ZMYND11: variants seen among roughly 807,000 people sequenced by gnomAD.
ZMYND11 encodes zinc finger MYND-type containing 11, also known as zinc finger MYND domain-containing protein 11.
A neutral mutation model predicts 84.9 loss-of-function variants in ZMYND11; 9 were observed. That is an observed-to-expected ratio of 0.11 (90% CI 0.06 to 0.18). The LOEUF (loss-of-function observed/expected upper bound fraction) is 0.18. Ranked by LOEUF, ZMYND11 falls within the 10% of genes least tolerant of loss-of-function variation. The probability of loss-of-function intolerance (pLI) is 1.00; values close to 1 mark genes in which losing one functional copy is unlikely to be tolerated. For synonymous variants in ZMYND11, 250 were observed against 244.1 expected (o/e 1.02, Z -0.23); for missense variants, 409 against 761.0 (o/e 0.54, Z 5.44).
intron 14 of ZMYND11, chr10:249,503 TTTATACA>T: frequency 1.0e-6 from 1 of 984,830 alleles, no homozygotes; most frequent in East Asian, 1.1e-4. Context: ...GCACTTAACA[TTTATACA>T]TTAGATTTTG....
intron 2 of ZMYND11, among the ~76,000 whole-genome samples, chr10:200,279 TATA>T (rs1419881167): frequency 1.2e-4 from 16 of 135,354 alleles, no homozygotes; most frequent in South Asian, 2.2e-4. Context: ...ATATATAATA[TATA>T]ATATGTATAA....
At chr10:132,871 A>T (rs782019737), upstream of ZMYND11, among the ~76,000 whole-genome samples, 21 of 152,324 alleles carry the variant, frequency 1.4e-4, no homozygotes, top group South Asian at 4.1e-4. Flanking sequence ...CCCAGGGCTC[A>T]GTGGCACCCG....
At chr10:213,839 C>A (rs775330271) in intron 3 of ZMYND11, among the ~76,000 whole-genome samples, 19 of 152,108 alleles carry the variant, frequency 1.2e-4, no homozygotes, top group Non-Finnish European at 2.1e-4. Context: ...GTTGGTGTTA[C>A]ATTTTTATTT....
chr10:206,583 C>T (rs1415373462), intron 2 of ZMYND11, among the ~76,000 whole-genome samples: 1 of 152,130 alleles, frequency 6.6e-6, no homozygotes, highest in Non-Finnish European at 1.5e-5. Context: ...AAATCCTATA[C>T]ACTTCCATCT....
chr10:224,396 T>C (rs998159411), intron 4 of ZMYND11, among the ~76,000 whole-genome samples: 1 of 152,228 alleles, frequency 6.6e-6, no homozygotes, highest in African/African-American at 2.4e-5. Context: ...AAATAAACTT[T>C]TGCTTTATGG....
Position 247,474 on chromosome 10 carries a change from G to A in ZMYND11, c.1227+8G>A. On this transcript the variant is annotated splice_region_variant and intron_variant, in intron 12 of 14. Coordinates refer to ENST00000381604, the MANE Select transcript of ZMYND11 (RefSeq NM_001370100.5). ...GTGGAGCCCAAAAAGGAAGTAAGTTGCCCACCTCGCAGTATCCAGGTGGCA... is the reference window on the plus strand; with the variant it reads ...GTGGAGCCCAAAAAGGAAGTAAGTTACCCACCTCGCAGTATCCAGGTGGCA... The A allele has an allele frequency of 6.2e-7, 1 of 1,613,640 alleles. No homozygotes were observed. Among genetic ancestry groups the A allele is most frequent in the Non-Finnish European group, 8.5e-7 (1 of 1,179,726 alleles).
In ZMYND11 at chr10:221,332, T is replaced by C; in HGVS notation, c.414T>C (p.Ser138=). The change falls in exon 4 of 15, where the codon AGT becomes AGC. Residue 138 remains serine (S), a synonymous_variant. Transcript: ENST00000381604. The part of the protein sequence containing the change: ...SDEFRLRDSS[S]PWQCPVCRSI... ...AGTTCAGGCTTAGAGACAGCAGTAG[T>C]CCCTGGCAGTGCCCAGTTTGCAGGG... The C allele has an allele frequency of 6.2e-7, 1 of 1,613,850 alleles. No individual in the cohort carries two copies. Among genetic ancestry groups the C allele is most frequent in the South Asian group, 1.1e-5 (1 of 91,048 alleles).
At chr10:173,448 T>C (rs1845841576) in intron 1 of ZMYND11, among the ~76,000 whole-genome samples, 1 of 151,744 alleles carries the variant, frequency 6.6e-6, no homozygotes, top group African/African-American at 2.4e-5. Flanking sequence ...AATAAGAAAA[T>C]GAAGAACATG....
At chr10:168,095 G>A (rs533835295) in intron 1 of ZMYND11, among the ~76,000 whole-genome samples, 1 of 152,132 alleles carries the variant, frequency 6.6e-6, no homozygotes, top group African/African-American at 2.4e-5. Context: ...GTTATTAGGG[G>A]CATGAAGAAG....
intron 10 of ZMYND11, 105 bp downstream of exon 10, chr10:242,244 GAAAA>G (rs34123561): frequency 8.0e-7 from 1 of 1,255,642 alleles, no homozygotes; most frequent in African/African-American, 1.6e-5. Context: ...TTTTAAATTG[GAAAA>G]AAAAAACACA....
chr10:250,878 C>G (rs1953312397), intron 14 of ZMYND11, among the ~76,000 whole-genome samples: 1 of 152,084 alleles, frequency 6.6e-6, no homozygotes, highest in Non-Finnish European at 1.5e-5. Context: ...CAAAAATTAG[C>G]CGGGCGTGGT....
chr10:249,331 C>T (rs1015897382), intron 14 of ZMYND11: 1 of 1,280,440 alleles, frequency 7.8e-7, no homozygotes, highest in Non-Finnish European at 9.9e-7. Flanking sequence ...TACCTTAGTA[C>T]ATATTTATTA....
chr10:194,733 C>A (rs1247265928), intron 2 of ZMYND11, among the ~76,000 whole-genome samples: 1 of 151,792 alleles, frequency 6.6e-6, no homozygotes, highest in Non-Finnish European at 1.5e-5. Flanking sequence ...AATCCTTTGC[C>A]CATTTTTTTA....
chr10:214,816 T>C (rs1176483166), intron 3 of ZMYND11, among the ~76,000 whole-genome samples: 1 of 152,238 alleles, frequency 6.6e-6, no homozygotes, highest in Non-Finnish European at 1.5e-5. Context: ...ATTCTTAAAA[T>C]GTGAGAAGTG....
At chr10:156,989 CAA>C (rs1263153975) in intron 1 of ZMYND11, among the ~76,000 whole-genome samples, 6 of 152,162 alleles carry the variant, frequency 3.9e-5, no homozygotes, top group South Asian at 4.2e-4. Context: ...TAGAAAGAGT[CAA>C]GTTTGTTTTT....
At chr10:224,565 T>C (rs934425316) in intron 4 of ZMYND11, among the ~76,000 whole-genome samples, 1 of 152,212 alleles carries the variant, frequency 6.6e-6, no homozygotes, top group African/African-American at 2.4e-5. Flanking sequence ...ATTCAAATAA[T>C]TTAGGATAAG....
At position 248,583 on chromosome 10, in the gene ZMYND11, G is replaced by A. The variant is rs751729106; in HGVS notation, c.1475G>A (p.Arg492His). The A allele has an allele frequency of 7.4e-6, 12 of 1,610,948 alleles. No homozygotes were observed. Among genetic ancestry groups the A allele is most frequent in the Middle Eastern group, 1.6e-4 (1 of 6,080 alleles). The change falls in exon 13 of 15, where the codon CGT becomes CAT. Residue 492 changes from arginine (R) to histidine (H), a missense_variant. This residue lies in a region of ZMYND11 where 141 missense variants were observed against 173.8 expected (regional missense o/e 0.81). Coordinates refer to ENST00000381604, the MANE Select transcript of ZMYND11 (RefSeq NM_001370100.5). ...MKSDHKRETE[R>H]VVREALEKLR... Reference sequence around the variant, plus strand: ...TCGGACCACAAGCGGGAGACAGAGCGTGTTGTCCGAGAAGCTCTGGAGAAG... The same window carrying A: ...TCGGACCACAAGCGGGAGACAGAGCATGTTGTCCGAGAAGCTCTGGAGAAG...
chr10:136,881 T>TG (rs2131049679), intron 1 of ZMYND11, among the ~76,000 whole-genome samples: 1 of 152,208 alleles, frequency 6.6e-6, no homozygotes, highest in South Asian at 2.1e-4. Context: ...CACGGTACCG[T>TG]GCTGCCATAT....
intron 4 of ZMYND11, among the ~76,000 whole-genome samples, chr10:232,830 TC>T (rs1385059708): frequency 6.6e-6 from 1 of 152,142 alleles, no homozygotes; most frequent in South Asian, 2.1e-4. Context: ...AAAACATAAC[TC>T]CCATAGCACT....
Sources: gnomAD v4.1 joint callset for allele counts (sites outside exome capture counted in the v4.1 genomes callset) on GRCh38, gnomAD v4.1.1 for gene constraint, gnomAD v4.1.1 regional missense constraint, MANE v1.5 for transcripts, NCBI Gene and HGNC (gene_info 2026-07-23, HGNC 2026-07-21) for gene names.